Variants in P3H2 observed in about 807,000 individuals in gnomAD.
P3H2 encodes the protein prolyl 3-hydroxylase 2, also known as leprecan-like 1.
A neutral mutation model predicts 87.0 loss-of-function variants in P3H2; 80 were observed. The observed-to-expected ratio is 0.92, with a 90% confidence interval of 0.77 to 1.11. The LOEUF is 1.11. P3H2 is among the 50% of genes least tolerant of loss of function. The pLI, the probability that P3H2 is intolerant of heterozygous loss-of-function variation, is 0.00. For synonymous variants in P3H2, 367 were observed against 359.3 expected (o/e 1.02, Z -0.24); for missense variants, 1,001 against 923.9 (o/e 1.08, Z -1.08).
intron 1 of P3H2, among the ~76,000 whole-genome samples, chr3:190,095,450 C>T (rs1006494405): frequency 1.4e-5 from 2 of 148,072 alleles, no homozygotes; most frequent in South Asian, 2.1e-4. Context: ...TGTAAGCAAA[C>T]CAAAAAAACC....
intron 5 of P3H2, 57 bp from the exon 6 acceptor site, chr3:189,986,934 T>C (rs1262108340): frequency 8.8e-7 from 1 of 1,139,748 alleles, no homozygotes; most frequent in Non-Finnish European, 1.3e-6. Flanking sequence ...GTAAGAGATA[T>C]GATAAATGTT....
At chr3:190,091,098 AG>A (rs1727395987) in intron 1 of P3H2, among the ~76,000 whole-genome samples, 1 of 152,224 alleles carries the variant, frequency 6.6e-6, no homozygotes, top group African/African-American at 2.4e-5. Flanking sequence ...TAAATATCAA[AG>A]CTAGTTTTTT....
intron 1 of P3H2, among the ~76,000 whole-genome samples, chr3:190,047,104 AAAG>A (rs1184310419): frequency 3.9e-5 from 6 of 152,334 alleles, no homozygotes; most frequent in East Asian, 3.9e-4. Context: ...ACATTTCTTA[AAAG>A]AAGACATACA....
At chr3:190,112,808 G>A (rs1196149187) in intron 1 of P3H2, among the ~76,000 whole-genome samples, 3 of 151,954 alleles carry the variant, frequency 2.0e-5, no homozygotes, top group Non-Finnish European at 4.4e-5. Flanking sequence ...TTAGAGATAT[G>A]TGTAGGCCAT....
rs1371056110 is a variant in P3H2, at chr3:190,006,036, A to G, written c.481-10594T>C. Among the ~76,000 whole-genome samples, 3 of 152,342 alleles carry G rather than the reference A, an allele frequency of 2.0e-5. No individual in the cohort carries two copies. In the East Asian group the frequency reaches 5.8e-4, roughly 29 times the overall value. ...TATGAAATATCCCTACCATATATCC[A>G]GGTTAAATATAAACTCAAACATTTT... On this transcript the variant is annotated intron_variant, in intron 1 of 14. Coordinates refer to ENST00000319332, the MANE Select transcript of P3H2 (RefSeq NM_018192.4).
chr3:190,074,663 G>C (rs1726811308), intron 1 of P3H2, among the ~76,000 whole-genome samples: 1 of 152,084 alleles, frequency 6.6e-6, no homozygotes, highest in South Asian at 2.1e-4. Flanking sequence ...ATTATAACCA[G>C]AGGGGAAAAA....
intron 1 of P3H2, among the ~76,000 whole-genome samples, chr3:190,108,761 A>AT (rs57865262): frequency 0.12 from 18,874 of 152,192 alleles, 1,302 homozygotes; most frequent in Middle Eastern, 0.21. Flanking sequence ...AGGCCTCAGT[A>AT]TTTTTTTAAA....
At chr3:190,088,653 A>G (rs1009312295) in intron 1 of P3H2, among the ~76,000 whole-genome samples, 1 of 152,230 alleles carries the variant, frequency 6.6e-6, no homozygotes, top group African/African-American at 2.4e-5. Flanking sequence ...AAATGGGTAT[A>G]GGTTTTTCTT....
rs577888811 is a variant in P3H2 at position 189,972,054 on chromosome 3, C to T, written c.1700-47G>A. ...AAGAACGAGAAATGAAGTGCAGCAA[C>T]TTCCACCAAAGTAACTGACAATCTC... On this transcript the variant is annotated intron_variant, in intron 11 of 14. Coordinates refer to ENST00000319332, the MANE Select transcript of P3H2 (RefSeq NM_018192.4). 3.3e-5 allele frequency: 38 copies of T among 1,141,118 alleles called. No homozygotes were observed. In the South Asian group the frequency reaches 4.2e-4, roughly 13 times the overall value. The allele number at this position is 1,141,118 out of a possible 1,614,324, so 70.7% of individuals were successfully genotyped here. A position where few individuals can be genotyped will look rare whatever the true frequency, so the allele number is the denominator to read the frequency against.
chr3:189,992,683 T>C (rs1430055828), intron 3 of P3H2, among the ~76,000 whole-genome samples: 2 of 152,210 alleles, frequency 1.3e-5, no homozygotes, highest in African/African-American at 4.8e-5. Flanking sequence ...TTCAGATAAA[T>C]TCCTCATTTA....
At chr3:190,031,327 G>C (rs531870000) in intron 1 of P3H2, among the ~76,000 whole-genome samples, 1 of 151,800 alleles carries the variant, frequency 6.6e-6, no homozygotes, top group Non-Finnish European at 1.5e-5. Flanking sequence ...ACATTATCAT[G>C]TTAGAAAAAA....
chr3:190,090,702 CA>C (rs5855304), intron 1 of P3H2, among the ~76,000 whole-genome samples: 56,372 of 142,850 alleles, frequency 0.39, 13,062 homozygotes, highest in African/African-American at 0.68. Flanking sequence ...GACTCTGACT[CA>C]AAAAAAAAAA....
At chr3:190,100,950 A>T (rs900418681) in intron 1 of P3H2, among the ~76,000 whole-genome samples, 1 of 152,092 alleles carries the variant, frequency 6.6e-6, no homozygotes, top group Non-Finnish European at 1.5e-5. Context: ...TCAACGTTAC[A>T]TTTTGGTAAT....
intron 1 of P3H2, among the ~76,000 whole-genome samples, chr3:190,115,706 C>G (rs560406122): frequency 6.6e-6 from 1 of 152,344 alleles, no homozygotes; most frequent in African/African-American, 2.4e-5. Flanking sequence ...TCTCTTCCAA[C>G]TGACCAGCCA....
At chr3:190,122,203 C>T (rs1202816845), upstream of P3H2, 1 of 151,444 alleles carries the variant, frequency 6.6e-6, no homozygotes, top group Non-Finnish European at 1.5e-5. Context: ...TATCCCTTAC[C>T]TCAAGGAATT....
chr3:190,113,750 A>G (rs908079994), intron 1 of P3H2, among the ~76,000 whole-genome samples: 8 of 152,200 alleles, frequency 5.3e-5, no homozygotes, highest in Admixed American at 1.3e-4. Context: ...GACGAGGTCT[A>G]TGAAGAAAGG....
chr3:190,089,310 T>C (rs567050701), intron 1 of P3H2, among the ~76,000 whole-genome samples: 4 of 152,318 alleles, frequency 2.6e-5, no homozygotes, highest in Non-Finnish European at 4.4e-5. Context: ...ATAGCACATG[T>C]ATACATATGT....
intron 9 of P3H2, 90 bp from the exon 10 acceptor site, chr3:189,974,094 T>C: frequency 9.9e-7 from 1 of 1,013,386 alleles, no homozygotes; most frequent in Non-Finnish European, 1.6e-6. Flanking sequence ...AGCTGAGAAC[T>C]CTAGTCAATG....
chr3:190,013,332 A>G (rs943236226), intron 1 of P3H2, among the ~76,000 whole-genome samples: 9 of 152,246 alleles, frequency 5.9e-5, no homozygotes, highest in African/African-American at 2.2e-4. Flanking sequence ...GTTACAAACT[A>G]TAGCAGTCTC....
Sources: gnomAD v4.1 joint callset for allele counts (sites outside exome capture counted in the v4.1 genomes callset) on GRCh38, gnomAD v4.1.1 for gene constraint, MANE v1.5 for transcripts, NCBI Gene and HGNC (gene_info 2026-07-23, HGNC 2026-07-21) for gene names.